ZNF804A: variants seen among roughly 807,000 people sequenced by gnomAD.
ZNF804A encodes zinc finger protein 804A.
In ZNF804A, 2 loss-of-function variants were observed where a neutral mutation model predicts 16.5. The ratio of observed to expected loss-of-function variants is 0.12; its 90% confidence interval spans 0.05 to 0.38. The LOEUF is 0.38. Ranked by LOEUF, ZNF804A falls within the 10% of genes least tolerant of loss-of-function variation. ZNF804A has a pLI of 0.99. For synonymous variants in ZNF804A, 534 were observed against 489.6 expected, an observed-to-expected ratio of 1.09 and a Z score of -1.20; for missense variants, 1,473 against 1,390.7, an observed-to-expected ratio of 1.06 and a Z score of -0.94.
In ZNF804A at chr2:184,616,348, G is replaced by A. The variant is rs563948492; in HGVS notation, c.111+17278G>A. ...ACTACAATTAACTTTAGTCCCTGCT[G>A]TACACCAAATGTTATCTTGAAATAT... On this transcript the variant is annotated intron_variant, in intron 1 of 3. Coordinates refer to ENST00000302277, the MANE Select transcript of ZNF804A (RefSeq NM_194250.2). Among the ~76,000 whole-genome samples the A allele has an allele frequency of 2.0e-5, 3 of 152,102 alleles. No homozygotes were observed. In the East Asian group the frequency reaches 5.8e-4, roughly 29 times the overall value.
intron 1 of ZNF804A, among the ~76,000 whole-genome samples, chr2:184,674,852 AT>A (rs1692396268): frequency 6.6e-6 from 1 of 151,894 alleles, no homozygotes; most frequent in South Asian, 2.1e-4. Flanking sequence ...GTAAAATTCC[AT>A]GTCAACAACT....
intron 1 of ZNF804A, among the ~76,000 whole-genome samples, chr2:184,657,229 G>A (rs775496581): frequency 6.6e-6 from 1 of 152,054 alleles, no homozygotes; most frequent in Non-Finnish European, 1.5e-5. Flanking sequence ...GGAACCACAG[G>A]CATACACCCC....
intron 1 of ZNF804A, among the ~76,000 whole-genome samples, chr2:184,760,359 TA>T (rs1694023345): frequency 6.6e-6 from 1 of 152,096 alleles, no homozygotes; most frequent in Non-Finnish European, 1.5e-5. Context: ...GCATATGACA[TA>T]TATAATTATT....
At chr2:184,735,682 A>G (rs973388227) in intron 1 of ZNF804A, among the ~76,000 whole-genome samples, 3 of 152,212 alleles carry the variant, frequency 2.0e-5, no homozygotes, top group African/African-American at 4.8e-5. Context: ...TATTTGATGA[A>G]TAGTGTCAGA....
chr2:184,713,282 G>T (rs1693159022), intron 1 of ZNF804A, among the ~76,000 whole-genome samples: 2 of 151,644 alleles, frequency 1.3e-5, no homozygotes, highest in African/African-American at 2.4e-5. Flanking sequence ...AGTCATTTCT[G>T]GGCAAGCCAG....
chr2:184,939,219 T>C lies in ZNF804A; in HGVS notation c.*193T>C, dbSNP rs1244143993. 10 of 603,552 alleles carry C rather than the reference T, an allele frequency of 1.7e-5. No homozygotes were observed. Among genetic ancestry groups the C allele is most frequent in the East Asian group, 5.7e-5 (2 of 34,892 alleles). 37.4% of individuals were successfully genotyped at this position (603,552 alleles called of 1,614,324 possible). ...CCTAAGTTTCTGATATATAATATTA[T>C]TAAAGCACTGAATAGTTTGAAAATC... On this transcript the variant is annotated 3_prime_UTR_variant, in exon 4 of 4. Coordinates refer to ENST00000302277, the MANE Select transcript of ZNF804A (RefSeq NM_194250.2).
intron 1 of ZNF804A, among the ~76,000 whole-genome samples, chr2:184,813,822 G>A (rs929402790): frequency 5.9e-5 from 9 of 151,664 alleles, no homozygotes; most frequent in African/African-American, 1.7e-4. Context: ...AACATACCTT[G>A]TTCTTCTTTC....
intron 1 of ZNF804A, among the ~76,000 whole-genome samples, chr2:184,772,590 A>G (rs930451099): frequency 7.2e-5 from 11 of 151,848 alleles, no homozygotes; most frequent in African/African-American, 2.7e-4. Flanking sequence ...CCGTTTGTGT[A>G]CAAGTTTTTG....
intron 1 of ZNF804A, among the ~76,000 whole-genome samples, chr2:184,603,414 A>G (rs1311017003): frequency 6.6e-6 from 1 of 152,216 alleles, no homozygotes; most frequent in African/African-American, 2.4e-5. Flanking sequence ...TCCCTTGTGT[A>G]TATAGGAACA....
intron 1 of ZNF804A, among the ~76,000 whole-genome samples, chr2:184,856,282 C>A (rs747543811): frequency 1.9e-4 from 29 of 151,730 alleles, no homozygotes; most frequent in Non-Finnish European, 3.7e-4. Context: ...GCCATCTTTC[C>A]AAATTTCTTC....
At chr2:184,925,035 C>T (rs1020273048) in intron 2 of ZNF804A, among the ~76,000 whole-genome samples, 4 of 151,716 alleles carry the variant, frequency 2.6e-5, no homozygotes, top group Non-Finnish European at 5.9e-5. Context: ...TGAAATGTGT[C>T]GTAAATATCT....
chr2:184,636,448 T>G (rs1408680405), intron 1 of ZNF804A, among the ~76,000 whole-genome samples: 3 of 137,824 alleles, frequency 2.2e-5, no homozygotes, highest in South Asian at 2.3e-4. Flanking sequence ...TGTGTGTGTG[T>G]GTGTGAGAGA....
intron 1 of ZNF804A, among the ~76,000 whole-genome samples, chr2:184,648,918 C>G (rs545061853): frequency 1.3e-5 from 2 of 152,148 alleles, no homozygotes; most frequent in East Asian, 3.9e-4. Context: ...AAACTTGACA[C>G]TTGACCAACT....
chr2:184,790,008 G>C (rs545105491), intron 1 of ZNF804A, among the ~76,000 whole-genome samples: 18 of 151,762 alleles, frequency 1.2e-4, no homozygotes, highest in Non-Finnish European at 5.9e-5. Flanking sequence ...GATCCCAAAG[G>C]TTTTGATATA....
Position 184,926,528 on chromosome 2 carries a change from T to G in ZNF804A, c.256-7075T>G, listed in dbSNP as rs531290081. On this transcript the variant is annotated intron_variant, in intron 2 of 3. Coordinates refer to ENST00000302277, the MANE Select transcript of ZNF804A (RefSeq NM_194250.2). ...TGGTGTTCTATAACCTTCTTTTACT[T>G]GGATATTGGTAACTTTTTTTTAGGT... 2.0e-5 allele frequency among the ~76,000 whole-genome samples: 3 copies of G among 152,208 alleles called. No homozygotes were observed. In the South Asian group the frequency reaches 6.2e-4, roughly 31 times the overall value.
intron 1 of ZNF804A, among the ~76,000 whole-genome samples, chr2:184,809,467 G>A (rs1406921453): frequency 6.6e-6 from 1 of 151,748 alleles, no homozygotes; most frequent in South Asian, 2.1e-4. Flanking sequence ...GAAAATATTT[G>A]CATGTGTATT....
chr2:184,937,721 T>C lies in ZNF804A; in HGVS notation c.2325T>C (p.His775=). Residue 775 remains histidine, a synonymous_variant, in exon 4 of 4, where the codon CAT becomes CAC. Transcript: ENST00000302277. The part of the protein sequence containing the change: ...SERFYRKRRQ[H]SHSYSSDESL... Reference sequence around the variant, plus strand: ...GATTCTATCGAAAACGTAGACAACATTCACATTCTTATTCTTCAGATGAAA... The same window carrying C: ...GATTCTATCGAAAACGTAGACAACACTCACATTCTTATTCTTCAGATGAAA... 4 of 1,614,006 alleles carry C rather than the reference T, an allele frequency of 2.5e-6. No individual in the cohort carries two copies. The highest frequency in any genetic ancestry group is 3.4e-6 in the Non-Finnish European group (4 of 1,179,970).
intron 1 of ZNF804A, among the ~76,000 whole-genome samples, chr2:184,865,978 A>C (rs570551629): frequency 6.6e-6 from 1 of 152,270 alleles, no homozygotes; most frequent in East Asian, 1.9e-4. Flanking sequence ...CAAACAGAAC[A>C]CATTTTACAT....
chr2:184,672,835 A>C (rs886195132), intron 1 of ZNF804A, among the ~76,000 whole-genome samples: 5 of 151,906 alleles, frequency 3.3e-5, no homozygotes, highest in African/African-American at 1.2e-4. Context: ...TCTGCCTCCC[A>C]GGTTCAAGCA....
Sources: allele counts gnomAD v4.1 joint callset (sites outside exome capture counted in the v4.1 genomes callset), GRCh38; gene constraint gnomAD v4.1.1; transcripts MANE v1.5; gene names NCBI Gene and HGNC (gene_info 2026-07-23, HGNC 2026-07-21).